TYW1: variants seen among roughly 807,000 people sequenced by gnomAD.
TYW1 encodes S-adenosyl-L-methionine-dependent tRNA 4-demethylwyosine synthase TYW1.
Under a neutral mutation model 96.2 loss-of-function variants are expected in TYW1, and 46 were observed. The ratio of observed to expected loss-of-function variants is 0.48; its 90% CI spans 0.38 to 0.61. TYW1 has a LOEUF of 0.61. Among genes scored for constraint, TYW1 ranks in the 20% least tolerant of loss-of-function variants. TYW1 has a pLI of 0.00. For missense variants in TYW1, 684 were observed against 909.6 expected (o/e 0.75, Z 3.19); for synonymous variants, 274 against 323.0 (o/e 0.85, Z 1.63).
intron 15 of TYW1, among the ~76,000 whole-genome samples, chr7:67,217,076 G>T (rs1047633389): frequency 1.5e-4 from 23 of 150,178 alleles, no homozygotes; most frequent in Non-Finnish European, 2.8e-4. Context: ...TGTGCTTATT[G>T]TCCATTTCTA....
At chr7:67,158,220 C>G (rs1490664594) in intron 13 of TYW1, among the ~76,000 whole-genome samples, 13 of 151,030 alleles carry the variant, frequency 8.6e-5, no homozygotes, top group Admixed American at 8.0e-4. Context: ...TCCTGAGTAG[C>G]TGGGATTACA....
intron 14 of TYW1, among the ~76,000 whole-genome samples, chr7:67,191,139 AAGAGAGACAGACGGACGGAC>A (rs925783902): frequency 2.0e-5 from 3 of 152,290 alleles, no homozygotes; most frequent in East Asian, 1.9e-4. Flanking sequence ...AAGGCAGAGA[AAGAGAGACAGACGGACGGAC>A]AGAGAGACAG....
At chr7:66,997,973 G>A (rs1272711833) in intron 1 of TYW1, 92 bp from the exon 2 acceptor site, 7 of 1,447,870 alleles carry the variant, frequency 4.8e-6, no homozygotes, top group Non-Finnish European at 6.4e-6. Flanking sequence ...GTTGTTGAAT[G>A]TAAGGTTGGT....
At chr7:67,097,487 C>T (rs545066416) in intron 11 of TYW1, among the ~76,000 whole-genome samples, 74 of 152,298 alleles carry the variant, frequency 4.9e-4, no homozygotes, top group African/African-American at 1.7e-3. Context: ...CAATCTGTGC[C>T]TCCTGGGTTC....
intron 14 of TYW1, among the ~76,000 whole-genome samples, chr7:67,192,571 C>T (rs1800255348): frequency 6.6e-6 from 1 of 152,170 alleles, no homozygotes; most frequent in African/African-American, 2.4e-5. Context: ...TAATGCTTAT[C>T]AATAAATAAT....
intron 9 of TYW1, among the ~76,000 whole-genome samples, chr7:67,056,273 T>C (rs78010541): frequency 0.04 from 6,086 of 152,158 alleles, 183 homozygotes; most frequent in Middle Eastern, 0.1. Flanking sequence ...GGGCGGATCA[T>C]TTGAGGTCAG....
chr7:67,162,313 C>CAAAA lies in TYW1; in HGVS notation c.1699-20793_1699-20790dup, dbSNP rs60661089. 1.3e-3 allele frequency among the ~76,000 whole-genome samples: 133 copies of CAAAA among 102,130 alleles called. 2 individuals are homozygous for CAAAA. The highest frequency in any genetic ancestry group is 1.9e-3 in the Non-Finnish European group (95 of 49,394). 67.0% of individuals were successfully genotyped at this position (102,130 alleles called of 152,430 possible). A position where few individuals can be genotyped will look rare whatever the true frequency, so the allele number is the denominator to read the frequency against. ...TGGGTGACAGAGCAAGACTCTGTCT[C>CAAAA]AAAAAAAAAAAAAAAAAAAAAAATT... is the stretch of plus-strand genomic sequence containing the variant. On this transcript the variant is annotated intron_variant, in intron 13 of 15. Coordinates refer to ENST00000359626, the MANE Select transcript of TYW1 (RefSeq NM_018264.4).
intron 15 of TYW1, among the ~76,000 whole-genome samples, chr7:67,213,237 G>A (rs1022323007): frequency 3.9e-5 from 6 of 152,016 alleles, no homozygotes; most frequent in Admixed American, 2.6e-4. Flanking sequence ...ACACAGTCAT[G>A]GCTCACTGCA....
At chr7:67,044,696 T>G (rs1408269642) in intron 7 of TYW1, among the ~76,000 whole-genome samples, 1 of 152,152 alleles carries the variant, frequency 6.6e-6, no homozygotes, top group East Asian at 1.9e-4. Flanking sequence ...CTCGGCTCAC[T>G]GCAACCTCTG....
At chr7:67,135,162 CAGAG>C (rs747224302) in intron 13 of TYW1, among the ~76,000 whole-genome samples, 3 of 149,022 alleles carry the variant, frequency 2.0e-5, no homozygotes, top group African/African-American at 4.9e-5. Context: ...TATGTATATA[CAGAG>C]AGAGAGAGAG....
At position 67,072,951 on chromosome 7, in the gene TYW1, T is replaced by A. The variant is rs1294024931; in HGVS notation, c.1274+5548T>A. Among the ~76,000 whole-genome samples, 62 of 135,574 alleles carry A rather than the reference T, an allele frequency of 4.6e-4. 1 individual carries two copies. In the South Asian group the frequency reaches 0.015, roughly 32 times the overall value. 88.9% of individuals were successfully genotyped at this position (135,574 alleles called of 152,430 possible). On this transcript the variant is annotated intron_variant, in intron 10 of 15. Coordinates refer to ENST00000359626, the MANE Select transcript of TYW1 (RefSeq NM_018264.4). Reference sequence around the variant, plus strand: ...CCTATCCAGTTTTTTTTTTTTTTTTTTTTTTTTTTTTTTATAGAGACAGGG... The same window carrying A: ...CCTATCCAGTTTTTTTTTTTTTTTTATTTTTTTTTTTTTATAGAGACAGGG...
At chr7:67,233,700 G>A (rs1433138138) in intron 15 of TYW1, among the ~76,000 whole-genome samples, 4 of 135,882 alleles carry the variant, frequency 2.9e-5, no homozygotes, top group African/African-American at 1.2e-4. Context: ...GTCTCTCAGC[G>A]CTGTTTGTGT....
At chr7:67,183,378 A>G (rs893093276) in intron 14 of TYW1, 142 bp downstream of exon 14, 7 of 722,620 alleles carry the variant, frequency 9.7e-6, no homozygotes, top group South Asian at 6.1e-5. Context: ...ATCGATATTC[A>G]TCAAGAACCT....
chr7:67,144,418 G>A (rs1439309061), intron 13 of TYW1, among the ~76,000 whole-genome samples: 1 of 152,148 alleles, frequency 6.6e-6, no homozygotes, highest in South Asian at 2.1e-4. Flanking sequence ...AAATACAGGC[G>A]TACCCTACAG....
intron 15 of TYW1, among the ~76,000 whole-genome samples, chr7:67,207,275 C>G (rs1188944558): frequency 2.0e-5 from 3 of 152,164 alleles, no homozygotes; most frequent in Non-Finnish European, 4.4e-5. Context: ...ATCAATAGCC[C>G]CCTTTCCTTC....
In TYW1 at chr7:67,017,843, T is replaced by G. The variant is rs1794078545; in HGVS notation, c.571-10T>G. 1 of 1,608,222 alleles carries G rather than the reference T, an allele frequency of 6.2e-7. No homozygotes were observed. The highest frequency in any genetic ancestry group is 1.1e-5 in the South Asian group (1 of 90,786). On this transcript the variant is annotated splice_polypyrimidine_tract_variant and intron_variant, in intron 5 of 15. Coordinates refer to ENST00000359626, the MANE Select transcript of TYW1 (RefSeq NM_018264.4). The stretch of plus-strand genomic sequence containing the variant: ...ACCGTGCTTTTAGCCTATCTATCTT[T>G]TCCTCACAGGTTGGCAAAAATGTTG...
intron 13 of TYW1, among the ~76,000 whole-genome samples, chr7:67,165,759 C>T (rs1455024422): frequency 6.6e-6 from 1 of 151,898 alleles, no homozygotes; most frequent in Non-Finnish European, 1.5e-5. Context: ...AAAACCTCGT[C>T]TCTACAAAAA....
intron 7 of TYW1, among the ~76,000 whole-genome samples, chr7:67,027,636 A>G (rs1794494635): frequency 6.6e-6 from 1 of 152,152 alleles, no homozygotes; most frequent in Non-Finnish European, 1.5e-5. Flanking sequence ...AACTCTTTCA[A>G]AAAAAGGCAG....
intron 9 of TYW1, among the ~76,000 whole-genome samples, chr7:67,060,099 T>C (rs1795650734): frequency 7.0e-6 from 1 of 142,536 alleles, no homozygotes; most frequent in African/African-American, 2.6e-5. Flanking sequence ...TTTTTGAGAC[T>C]GAATCTCACT....
Sources: allele counts gnomAD v4.1 joint callset (sites outside exome capture counted in the v4.1 genomes callset), GRCh38; gene constraint gnomAD v4.1.1; transcripts MANE v1.5; gene names NCBI Gene and HGNC (gene_info 2026-07-23, HGNC 2026-07-21).